The following NELL1 variants were observed in gnomAD, a reference collection of about 807,000 sequenced individuals.
NELL1 encodes the protein neural EGFL like 1.
In NELL1, 76 loss-of-function variants were observed where a neutral mutation model predicts 107.4. That is an observed-to-expected ratio of 0.71 (90% CI 0.59 to 0.86). The LOEUF (loss-of-function observed/expected upper bound fraction) is 0.86. NELL1 is among the 40% of genes least tolerant of loss of function. NELL1 has a pLI of 0.00. For missense variants in NELL1, 1,024 were observed against 1,005.5 expected, an observed-to-expected ratio of 1.02 and a Z score of -0.25; for synonymous variants, 353 against 341.2, an observed-to-expected ratio of 1.03 and a Z score of -0.38.
intron 4 of NELL1, among the ~76,000 whole-genome samples, chr11:20,848,617 T>G (rs1214137739): frequency 2.0e-5 from 3 of 152,176 alleles, no homozygotes; most frequent in Admixed American, 2.0e-4. Flanking sequence ...CCATCAAAGT[T>G]AAAATGACTT....
intron 15 of NELL1, among the ~76,000 whole-genome samples, chr11:21,456,132 A>G (rs1371935966): frequency 6.6e-6 from 1 of 152,004 alleles, no homozygotes; most frequent in African/African-American, 2.4e-5. Context: ...GCCTCAGGTG[A>G]TCCACCTGCC....
chr11:20,907,521 T>A (rs1345458904), intron 5 of NELL1, among the ~76,000 whole-genome samples: 2 of 152,084 alleles, frequency 1.3e-5, no homozygotes, highest in African/African-American at 4.8e-5. Flanking sequence ...TCCAATAATA[T>A]ATCACTTCAT....
At position 21,171,473 on chromosome 11, in the gene NELL1, T is replaced by C. The variant is rs1274541356; in HGVS notation, c.1426+57759T>C. On this transcript the variant is annotated intron_variant, in intron 13 of 19. Coordinates refer to ENST00000357134, the MANE Select transcript of NELL1 (RefSeq NM_006157.5). ...AAACTGTGATAGACCCTTTTGTAAA[T>C]TGCTGTTTCACTTAACAAACTGCGA... 3.3e-5 allele frequency among the ~76,000 whole-genome samples: 5 copies of C among 151,954 alleles called. 1 individual carries two copies. The highest frequency in any genetic ancestry group is 9.7e-5 in the African/African-American group (4 of 41,206).
intron 15 of NELL1, among the ~76,000 whole-genome samples, chr11:21,387,079 T>G (rs1851763478): frequency 2.0e-5 from 3 of 151,866 alleles, no homozygotes; most frequent in Admixed American, 2.0e-4. Context: ...GTTTTAAACA[T>G]ATCAGCAATA....
intron 15 of NELL1, among the ~76,000 whole-genome samples, chr11:21,423,842 T>G (rs969212882): frequency 6.6e-6 from 1 of 152,162 alleles, no homozygotes; most frequent in African/African-American, 2.4e-5. Context: ...AATTACAAAT[T>G]GGTAGAAGAT....
At chr11:21,435,072 G>C (rs190503511) in intron 15 of NELL1, among the ~76,000 whole-genome samples, 38 of 151,926 alleles carry the variant, frequency 2.5e-4, no homozygotes, top group African/African-American at 8.7e-4. Flanking sequence ...CTTCTAAGAG[G>C]GTTTTTTTGT....
intron 12 of NELL1, among the ~76,000 whole-genome samples, chr11:21,009,499 G>A (rs775746938): frequency 6.6e-6 from 1 of 152,018 alleles, no homozygotes; most frequent in Non-Finnish European, 1.5e-5. Context: ...GAGGCAGAGG[G>A]TATCACAGGC....
intron 12 of NELL1, among the ~76,000 whole-genome samples, chr11:21,022,863 A>G (rs1329978892): frequency 6.6e-6 from 1 of 152,124 alleles, no homozygotes; most frequent in East Asian, 1.9e-4. Flanking sequence ...TGTTGATATG[A>G]TGATTACTAA....
Position 20,885,721 on chromosome 11 carries a change from C to G in NELL1, c.603+181C>G, listed in dbSNP as rs1249887661. On this transcript the variant is annotated intron_variant, in intron 5 of 19. Coordinates refer to ENST00000357134, the MANE Select transcript of NELL1 (RefSeq NM_006157.5). The stretch of plus-strand genomic sequence containing the variant: ...TTTTTATGTGCTTGACATGAATAAA[C>G]TGGTTTACTTGTCACAGTAATTTGT... 2.6e-5 allele frequency among the ~76,000 whole-genome samples: 4 copies of G among 152,152 alleles called. No homozygotes were observed. The East Asian group carries it at 7.7e-4, about 29-fold the overall frequency.
intron 13 of NELL1, among the ~76,000 whole-genome samples, chr11:21,223,308 A>G (rs193213060): frequency 4.6e-5 from 7 of 152,264 alleles, no homozygotes; most frequent in African/African-American, 1.4e-4. Flanking sequence ...CCTTATCATT[A>G]TATAATGAGA....
intron 12 of NELL1, among the ~76,000 whole-genome samples, chr11:21,075,708 C>T (rs962854129): frequency 6.6e-6 from 1 of 152,352 alleles, no homozygotes; most frequent in South Asian, 2.1e-4. Context: ...GCTGGGATTA[C>T]AGGCGTGAGC....
intron 13 of NELL1, among the ~76,000 whole-genome samples, chr11:21,150,768 T>C (rs1049689602): frequency 6.6e-5 from 10 of 152,338 alleles, no homozygotes; most frequent in African/African-American, 2.2e-4. Flanking sequence ...AGGTATTGTA[T>C]TAGTTCATTC....
chr11:21,058,018 A>G (rs1347495414), intron 12 of NELL1, among the ~76,000 whole-genome samples: 4 of 152,064 alleles, frequency 2.6e-5, no homozygotes, highest in Non-Finnish European at 5.9e-5. Context: ...TCAGCTTGAA[A>G]TCTAGGCCAT....
intron 12 of NELL1, among the ~76,000 whole-genome samples, chr11:21,066,066 A>G (rs1203909191): frequency 6.6e-6 from 1 of 152,204 alleles, no homozygotes; most frequent in Non-Finnish European, 1.5e-5. Flanking sequence ...AATACGGTTC[A>G]TCAGATTTGA....
At chr11:21,406,630 A>G (rs1852242847) in intron 15 of NELL1, among the ~76,000 whole-genome samples, 1 of 152,044 alleles carries the variant, frequency 6.6e-6, no homozygotes, top group Non-Finnish European at 1.5e-5. Flanking sequence ...CTACAAATGT[A>G]TCTCCTATTT....
At chr11:20,738,869 A>T (rs1855823429) in intron 2 of NELL1, among the ~76,000 whole-genome samples, 1 of 152,162 alleles carries the variant, frequency 6.6e-6, no homozygotes, top group South Asian at 2.1e-4. Flanking sequence ...GTGGAGTCAG[A>T]CTTTGCTTAA....
chr11:21,188,896 C>A (rs948340343), intron 13 of NELL1, among the ~76,000 whole-genome samples: 6 of 151,740 alleles, frequency 4.0e-5, no homozygotes, highest in African/African-American at 1.5e-4. Context: ...CATATTGGAC[C>A]CATCATTGAA....
At chr11:21,054,447 C>A (rs1366337360) in intron 12 of NELL1, among the ~76,000 whole-genome samples, 1 of 151,870 alleles carries the variant, frequency 6.6e-6, no homozygotes, top group South Asian at 2.1e-4. Context: ...ATTTTTCTTA[C>A]AGTACTTGGA....
At chr11:21,526,411 C>A (rs892831110) in intron 15 of NELL1, among the ~76,000 whole-genome samples, 1 of 152,222 alleles carries the variant, frequency 6.6e-6, no homozygotes, top group African/African-American at 2.4e-5. Context: ...ATGTGTGTTG[C>A]AAGCTGTCAG....
Sources: allele counts gnomAD v4.1 joint callset (sites outside exome capture counted in the v4.1 genomes callset), GRCh38; gene constraint gnomAD v4.1.1; transcripts MANE v1.5; gene names NCBI Gene and HGNC (gene_info 2026-07-23, HGNC 2026-07-21).